The following IFT43 variants were observed in gnomAD, a reference collection of about 807,000 sequenced individuals.
The protein encoded by IFT43 is intraflagellar transport protein 43 homolog.
In IFT43, 33 loss-of-function variants were observed where a neutral mutation model predicts 32.3. That is an observed-to-expected ratio of 1.02 (90% CI 0.77 to 1.37). The LOEUF (loss-of-function observed/expected upper bound fraction) is 1.37, where lower values mean the gene tolerates loss of function less well. IFT43 is among the 40% of genes most tolerant of loss of function. The probability of loss-of-function intolerance (pLI) is 0.00; values close to 1 mark genes in which losing one functional copy is unlikely to be tolerated. For synonymous variants in IFT43, 93 were observed against 98.2 expected (o/e 0.95, Z 0.31); for missense variants, 274 against 265.9 (o/e 1.03, Z -0.21).
At chr14:76,012,062 A>C (rs949465251) in intron 2 of IFT43, among the ~76,000 whole-genome samples, 1 of 152,176 alleles carries the variant, frequency 6.6e-6, no homozygotes, top group Non-Finnish European at 1.5e-5. Context: ...AAGCTGGAAG[A>C]TGGATATGTG....
intron 5 of IFT43, among the ~76,000 whole-genome samples, chr14:76,070,235 C>T (rs1306669577): frequency 6.6e-6 from 1 of 152,226 alleles, no homozygotes; most frequent in Non-Finnish European, 1.5e-5. Flanking sequence ...GTCCCCCTGT[C>T]TCTCCCTCTT....
At chr14:76,037,270 G>A (rs531160757) in intron 3 of IFT43, among the ~76,000 whole-genome samples, 1 of 152,300 alleles carries the variant, frequency 6.6e-6, no homozygotes, top group African/African-American at 2.4e-5. Flanking sequence ...TGCCTTGAAG[G>A]CACAGGTATG....
Position 75,985,778 on chromosome 14 carries a change from G to A in IFT43, c.-9G>A. ...GGTTTCCAGGAAGTGACGTCAGGCG[G>A]CCGCGGAGATGGAGGATTTGCTCGA... On this transcript the variant is annotated 5_prime_UTR_variant, in exon 1 of 9. Coordinates refer to ENST00000314067, the MANE Select transcript of IFT43 (RefSeq NM_001102564.3). 1.2e-6 allele frequency: 2 copies of A among 1,614,182 alleles called. No individual in the cohort carries two copies. Among genetic ancestry groups the A allele is most frequent in the Non-Finnish European group, 1.7e-6 (2 of 1,180,030 alleles).
chr14:75,995,858 C>T (rs2139878697), intron 2 of IFT43, among the ~76,000 whole-genome samples: 1 of 152,284 alleles, frequency 6.6e-6, no homozygotes, highest in South Asian at 2.1e-4. Flanking sequence ...GTTTTCCACA[C>T]TTCATATTTA....
chr14:76,058,464 C>A (rs2037067419), intron 3 of IFT43, 178 bp from the exon 4 acceptor site: 2 of 622,702 alleles, frequency 3.2e-6, no homozygotes, highest in Non-Finnish European at 5.5e-6. Context: ...GAAGGCACTA[C>A]AGCATCTTCA....
intron 3 of IFT43, among the ~76,000 whole-genome samples, chr14:76,026,281 A>G (rs921778689): frequency 2.0e-5 from 3 of 152,206 alleles, no homozygotes; most frequent in South Asian, 2.1e-4. Context: ...AAATACGGCC[A>G]GGTGTGGTGG....
intron 3 of IFT43, among the ~76,000 whole-genome samples, chr14:76,057,883 C>T (rs560506008): frequency 1.4e-4 from 21 of 152,312 alleles, no homozygotes; most frequent in African/African-American, 4.8e-4. Flanking sequence ...TAATCATCAA[C>T]ATTTCGCCAG....
At chr14:75,995,367 C>T (rs899502914) in intron 2 of IFT43, among the ~76,000 whole-genome samples, 1 of 152,176 alleles carries the variant, frequency 6.6e-6, no homozygotes, top group Non-Finnish European at 1.5e-5. Context: ...TAAGTTCTCA[C>T]TTGATCACCC....
In IFT43 at chr14:76,024,519, C is replaced by T. The variant is rs538537981; in HGVS notation, c.215+2125C>T. Among the ~76,000 whole-genome samples, 116 of 152,292 alleles carry T rather than the reference C, an allele frequency of 7.6e-4. 1 individual carries two copies. Among genetic ancestry groups the T allele is most frequent in the South Asian group, 2.9e-3 (14 of 4,826 alleles). On this transcript the variant is annotated intron_variant, in intron 3 of 8. Coordinates refer to ENST00000314067, the MANE Select transcript of IFT43 (RefSeq NM_001102564.3). ...TAACCCTGTAAAGTGGCAATAATAA[C>T]GCCTATTGCAAAGAATTGTTCTGAG...
intron 3 of IFT43, among the ~76,000 whole-genome samples, chr14:76,032,415 A>G (rs1237852934): frequency 1.3e-5 from 2 of 152,194 alleles, no homozygotes; most frequent in Non-Finnish European, 2.9e-5. Context: ...CCAACCAGTC[A>G]AAGTAAAACC....
intron 2 of IFT43, among the ~76,000 whole-genome samples, chr14:76,015,268 A>G (rs1381783032): frequency 6.6e-6 from 1 of 152,182 alleles, no homozygotes; most frequent in African/African-American, 2.4e-5. Flanking sequence ...TCATGTATGT[A>G]AGGACTTTCC....
intron 2 of IFT43, among the ~76,000 whole-genome samples, chr14:76,006,910 T>G (rs2035990705): frequency 6.8e-6 from 1 of 147,806 alleles, no homozygotes; most frequent in African/African-American, 2.5e-5. Context: ...TAGGCTAGAG[T>G]GCAATGGTGG....
intron 5 of IFT43, among the ~76,000 whole-genome samples, chr14:76,061,915 G>A (rs2037141833): frequency 6.6e-6 from 1 of 152,100 alleles, no homozygotes; most frequent in Non-Finnish European, 1.5e-5. Context: ...TGCTCAAAAA[G>A]TTTTGGATTT....
intron 5 of IFT43, among the ~76,000 whole-genome samples, chr14:76,062,603 G>A (rs183875145): frequency 5.6e-4 from 85 of 152,032 alleles, no homozygotes; most frequent in South Asian, 4.2e-4. Context: ...TATTGCTTTT[G>A]CACCATCATA....
At chr14:76,047,154 A>C (rs191948510) in intron 3 of IFT43, among the ~76,000 whole-genome samples, 80 of 152,258 alleles carry the variant, frequency 5.3e-4, no homozygotes, top group African/African-American at 1.8e-3. Flanking sequence ...TTTCAACATC[A>C]GTTTTGGAGG....
At chr14:76,017,287 T>C (rs959367417) in intron 2 of IFT43, among the ~76,000 whole-genome samples, 3 of 152,346 alleles carry the variant, frequency 2.0e-5, no homozygotes, top group Admixed American at 6.5e-5. Context: ...AAATGCTTTT[T>C]CTGCATCTAT....
intron 5 of IFT43, among the ~76,000 whole-genome samples, chr14:76,079,750 G>A (rs558325441): frequency 2.6e-5 from 4 of 152,142 alleles, no homozygotes; most frequent in South Asian, 2.1e-4. Flanking sequence ...TGTTAAAATC[G>A]TGTGCTTTGC....
In IFT43 at chr14:75,985,799, C is replaced by G; in HGVS notation, c.13C>G (p.Leu5Val). The change falls in exon 1 of 9, where the codon CTC becomes GTC. Residue 5 changes from leucine to valine, a missense_variant. Transcript: ENST00000314067. MEDL[L>V]DLDEELRYSL... Reference sequence around the variant, plus strand: ...GGCGGCCGCGGAGATGGAGGATTTGCTCGACTTGGACGAGGAGCTTCGCTA... The same window carrying G: ...GGCGGCCGCGGAGATGGAGGATTTGGTCGACTTGGACGAGGAGCTTCGCTA... 1 of 1,614,186 alleles carries G rather than the reference C, an allele frequency of 6.2e-7. No individual in the cohort carries two copies. Among genetic ancestry groups the G allele is most frequent in the Non-Finnish European group, 8.5e-7 (1 of 1,180,036 alleles).
At chr14:76,057,423 G>A (rs983993696) in intron 3 of IFT43, among the ~76,000 whole-genome samples, 1 of 151,954 alleles carries the variant, frequency 6.6e-6, no homozygotes, top group African/African-American at 2.4e-5. Flanking sequence ...TAGAGATGGG[G>A]TTTCACCATG....
Sources: allele counts gnomAD v4.1 joint callset (sites outside exome capture counted in the v4.1 genomes callset), GRCh38; gene constraint gnomAD v4.1.1; transcripts MANE v1.5; gene names NCBI Gene and HGNC (gene_info 2026-07-23, HGNC 2026-07-21).